The following TTC12 variants were observed in gnomAD, a reference collection of about 807,000 sequenced individuals.
TTC12 encodes the protein tetratricopeptide repeat protein 12.
In TTC12, 70 loss-of-function variants were observed where a neutral mutation model predicts 90.1. That is an observed-to-expected ratio of 0.78 (90% CI 0.64 to 0.95). The LOEUF (loss-of-function observed/expected upper bound fraction) is 0.95. TTC12 is among the 40% of genes least tolerant of loss of function. The pLI is 0.00. For synonymous variants in TTC12, 296 were observed against 311.5 expected, an observed-to-expected ratio of 0.95 and a Z score of 0.53; for missense variants, 819 against 846.1, an observed-to-expected ratio of 0.97 and a Z score of 0.40.
intron 6 of TTC12, 40 bp downstream of exon 6, chr11:113,325,685 G>A: frequency 6.2e-7 from 1 of 1,605,738 alleles, no homozygotes; most frequent in East Asian, 2.2e-5. Flanking sequence ...CTTTCTCAGG[G>A]AATAGTTGCC....
chr11:113,340,544 A>G, intron 10 of TTC12, 120 bp from the exon 11 acceptor site: 1 of 729,386 alleles, frequency 1.4e-6, no homozygotes, highest in Middle Eastern at 2.4e-4. Flanking sequence ...CTGCCAAACC[A>G]TTCACGTGGG....
At chr11:113,368,148 G>A, downstream of TTC12, 2 of 1,348,288 alleles carry the variant, frequency 1.5e-6, no homozygotes, top group Non-Finnish European at 9.7e-7. Flanking sequence ...CCCAAAGAGT[G>A]GGGAATGTCA....
intron 5 of TTC12, 41 bp from the exon 6 acceptor site, chr11:113,325,483 T>C (rs782470684): frequency 3.1e-6 from 5 of 1,605,756 alleles, no homozygotes; most frequent in South Asian, 1.1e-5. Flanking sequence ...GATTTTCTGA[T>C]GTGTGGTGAG....
At chr11:113,352,958 G>C (rs1949396114) in intron 16 of TTC12, among the ~76,000 whole-genome samples, 1 of 152,034 alleles carries the variant, frequency 6.6e-6, no homozygotes, top group Non-Finnish European at 1.5e-5. Flanking sequence ...TATTCCTTTG[G>C]GTATATACCC....
chr11:113,350,920 A>G (rs1291687792), intron 14 of TTC12, among the ~76,000 whole-genome samples: 1 of 152,234 alleles, frequency 6.6e-6, no homozygotes, highest in Non-Finnish European at 1.5e-5. Flanking sequence ...CGCACCGCAC[A>G]CACACGCTGT....
At chr11:113,318,963 C>G (rs1183646273) in intron 2 of TTC12, among the ~76,000 whole-genome samples, 1 of 151,964 alleles carries the variant, frequency 6.6e-6, no homozygotes, top group Non-Finnish European at 1.5e-5. Flanking sequence ...AATGACTCTT[C>G]CCCCAAGGAG....
At position 113,335,019 on chromosome 11, in the gene TTC12, C is replaced by T; in HGVS notation, c.558C>T (p.Ala186=). 6.2e-7 allele frequency: 1 copy of T among 1,613,224 alleles called. No homozygotes were observed. Among genetic ancestry groups the T allele is most frequent in the Non-Finnish European group, 8.5e-7 (1 of 1,179,378 alleles). ...AYFHMGKANL[A]LKNYSVSREC... Reference sequence around the variant, plus strand: ...TTCACATGGGAAAAGCCAACCTGGCCCTGAAGAACTACAGTGTGGTAAGTT... The same window carrying T: ...TTCACATGGGAAAAGCCAACCTGGCTCTGAAGAACTACAGTGTGGTAAGTT... Residue 186 remains alanine, a synonymous_variant, in exon 8 of 22, where the codon GCC becomes GCT. Transcript: ENST00000529221.
At chr11:113,329,204 G>T (rs572773737) in intron 6 of TTC12, among the ~76,000 whole-genome samples, 24 of 152,288 alleles carry the variant, frequency 1.6e-4, no homozygotes, top group African/African-American at 5.5e-4. Flanking sequence ...GAACTTCCAG[G>T]CTATCTTCCA....
chr11:113,339,191 C>T, intron 9 of TTC12, 95 bp from the exon 10 acceptor site: 2 of 1,020,902 alleles, frequency 2.0e-6, no homozygotes, highest in East Asian at 2.5e-5. Context: ...TTCTCAAACT[C>T]CCATCCTCAA....
chr11:113,356,321 C>T (rs1253729918), intron 16 of TTC12, among the ~76,000 whole-genome samples: 1 of 152,024 alleles, frequency 6.6e-6, no homozygotes, highest in Non-Finnish European at 1.5e-5. Context: ...GTTATTTTGC[C>T]TATGTGTGTC....
In TTC12 at chr11:113,335,027, A is replaced by G. The variant is rs782473431; in HGVS notation, c.566A>G (p.Asn189Ser). The G allele has an allele frequency of 6.2e-7, 1 of 1,613,142 alleles. No individual in the cohort carries two copies. Among genetic ancestry groups the G allele is most frequent in the Admixed American group, 1.7e-5 (1 of 60,004 alleles). The change falls in exon 8 of 22, where the codon AAC (asparagine) becomes AGC (serine). Residue 189 changes from asparagine (N) to serine (S), a missense_variant. By Grantham distance (46) the Asn-to-Ser change is conservative. Transcript: ENST00000529221. ...HMGKANLALK[N>S]YSVSRECYKK... is the part of the protein sequence containing the mutation. Reference sequence around the variant, plus strand: ...GGAAAAGCCAACCTGGCCCTGAAGAACTACAGTGTGGTAAGTTCTTAGAGG... The same window carrying G: ...GGAAAAGCCAACCTGGCCCTGAAGAGCTACAGTGTGGTAAGTTCTTAGAGG...
intron 12 of TTC12, among the ~76,000 whole-genome samples, chr11:113,343,779 C>T (rs782210177): frequency 6.6e-6 from 1 of 152,178 alleles, no homozygotes; most frequent in Non-Finnish European, 1.5e-5. Context: ...ACACTTTATT[C>T]GTTAGTGCTC....
chr11:113,344,624 A>G (rs1301132510), intron 13 of TTC12, among the ~76,000 whole-genome samples, 184 bp downstream of exon 13: 7 of 152,174 alleles, frequency 4.6e-5, no homozygotes, highest in Non-Finnish European at 1.0e-4. Context: ...ACTTGGTACC[A>G]TGGATGGTTT....
intron 21 of TTC12, among the ~76,000 whole-genome samples, chr11:113,372,031 G>A (rs1302675274): frequency 6.6e-6 from 1 of 152,148 alleles, no homozygotes; most frequent in Non-Finnish European, 1.5e-5. Context: ...GTTCTTAAAT[G>A]TGAGGATTTT....
intron 1 of TTC12, among the ~76,000 whole-genome samples, chr11:113,315,726 C>T (rs1946895331): frequency 6.6e-6 from 1 of 152,174 alleles, no homozygotes; most frequent in Non-Finnish European, 1.5e-5. Flanking sequence ...ATGTTCTAAT[C>T]CCTTCAGTCA....
At chr11:113,317,583 A>G (rs566220898) in intron 2 of TTC12, among the ~76,000 whole-genome samples, 11 of 152,110 alleles carry the variant, frequency 7.2e-5, no homozygotes, top group Non-Finnish European at 1.6e-4. Context: ...TCTAAAATGC[A>G]AATCTGACCC....
chr11:113,330,256 G>C (rs1245159869), intron 7 of TTC12, among the ~76,000 whole-genome samples: 1 of 152,200 alleles, frequency 6.6e-6, no homozygotes, highest in Admixed American at 6.5e-5. Flanking sequence ...TCAGACACTT[G>C]GTTCTATGTG....
intron 2 of TTC12, among the ~76,000 whole-genome samples, chr11:113,320,384 G>A (rs1555137778): frequency 6.6e-6 from 1 of 152,112 alleles, no homozygotes; most frequent in Admixed American, 6.5e-5. Flanking sequence ...ACAAATGGCA[G>A]AACGACACAG....
At chr11:113,326,999 T>G (rs1490822615) in intron 6 of TTC12, among the ~76,000 whole-genome samples, 3 of 152,208 alleles carry the variant, frequency 2.0e-5, no homozygotes, top group Non-Finnish European at 2.9e-5. Context: ...TCCTTCTTAT[T>G]TATTACCAAA....
Sources: allele counts gnomAD v4.1 joint callset (sites outside exome capture counted in the v4.1 genomes callset), GRCh38; gene constraint gnomAD v4.1.1; transcripts MANE v1.5; gene names NCBI Gene and HGNC (gene_info 2026-07-23, HGNC 2026-07-21).